The following DACH2 variants were observed in gnomAD, a reference collection of about 807,000 sequenced individuals.
DACH2 encodes dachshund family transcription factor 2.
A neutral mutation model predicts 35.8 loss-of-function variants in DACH2; 17 were observed. The ratio of observed to expected loss-of-function variants is 0.48; its 90% confidence interval spans 0.33 to 0.71. DACH2 has a LOEUF of 0.71. Ranked by LOEUF, DACH2 falls within the 30% of genes least tolerant of loss-of-function variation. DACH2 has a pLI of 0.02. For synonymous variants in DACH2, 195 were observed against 177.3 expected (o/e 1.10, Z -0.79); for missense variants, 469 against 472.7 (o/e 0.99, Z 0.07).
intron 7 of DACH2, among the ~76,000 whole-genome samples, chrX:86,753,938 T>TAAAA (rs202047286): frequency 1.1e-5 from 1 of 94,190 alleles, no homozygotes; most frequent in Non-Finnish European, 2.1e-5. Context: ...GAGCTCACAA[T>TAAAA]AAAAAAAAAA....
chrX:86,447,160 A>C (rs1307413030), intron 2 of DACH2, among the ~76,000 whole-genome samples: 1 of 98,767 alleles, frequency 1.0e-5, no homozygotes, highest in Non-Finnish European at 2.0e-5. Flanking sequence ...TTTTCTTGTA[A>C]ATTTGTTTGA....
At chrX:86,813,930 C>A (rs1280528041) in intron 9 of DACH2, among the ~76,000 whole-genome samples, 1 of 111,729 alleles carries the variant, frequency 9.0e-6, no homozygotes, top group Non-Finnish European at 1.9e-5. Flanking sequence ...GATTTATTTG[C>A]ACCAGCATCA....
intron 1 of DACH2, among the ~76,000 whole-genome samples, chrX:86,347,596 T>G (rs933089680): frequency 3.2e-4 from 36 of 112,962 alleles, no homozygotes; most frequent in African/African-American, 1.2e-3. Context: ...ATTTTCTCAT[T>G]ATTGATTTCA....
chrX:86,403,998 G>A (rs1276006193), intron 2 of DACH2, among the ~76,000 whole-genome samples: 2 of 108,447 alleles, frequency 1.8e-5, no homozygotes, highest in Admixed American at 9.8e-5. Context: ...TTTTTTTAAA[G>A]CACCAGATCT....
chrX:86,152,632 G>A (rs983956933), intron 1 of DACH2, among the ~76,000 whole-genome samples: 5 of 111,560 alleles, frequency 4.5e-5, no homozygotes, highest in Admixed American at 9.6e-5. Context: ...TGTTCTGTTC[G>A]ACAAGTCAAG....
At chrX:86,518,186 G>T (rs754375488) in intron 3 of DACH2, among the ~76,000 whole-genome samples, 1 of 112,004 alleles carries the variant, frequency 8.9e-6, no homozygotes, top group African/African-American at 3.2e-5. Flanking sequence ...TGTCTGCTTT[G>T]TTGAAGATCA....
intron 2 of DACH2, among the ~76,000 whole-genome samples, chrX:86,505,964 T>C (rs1172750427): frequency 1.8e-5 from 2 of 112,086 alleles, no homozygotes; most frequent in African/African-American, 6.5e-5. Context: ...AGAATAGTGA[T>C]GTGATTTGCC....
intron 1 of DACH2, among the ~76,000 whole-genome samples, chrX:86,189,768 T>C (rs975897038): frequency 2.7e-5 from 3 of 112,011 alleles, no homozygotes; most frequent in African/African-American, 9.7e-5. Context: ...TGAAACATCT[T>C]AAAAATGAAA....
At chrX:86,156,113 C>T (rs1887362772) in intron 1 of DACH2, among the ~76,000 whole-genome samples, 1 of 110,850 alleles carries the variant, frequency 9.0e-6, no homozygotes, top group Non-Finnish European at 1.9e-5. Context: ...AGAAGTAACA[C>T]AAATTGTTTT....
chrX:86,255,094 A>G (rs1348910506), intron 1 of DACH2, among the ~76,000 whole-genome samples: 7 of 109,633 alleles, frequency 6.4e-5, no homozygotes, highest in Non-Finnish European at 9.5e-5. Context: ...TATAAATCGA[A>G]GATTGTTCTT....
intron 3 of DACH2, among the ~76,000 whole-genome samples, chrX:86,537,935 G>A (rs1488274111): frequency 9.0e-6 from 1 of 110,896 alleles, no homozygotes; most frequent in Non-Finnish European, 1.9e-5. Flanking sequence ...CCCCTACTGA[G>A]CACCTTGTGA....
intron 3 of DACH2, among the ~76,000 whole-genome samples, chrX:86,639,842 A>G (rs1259785059): frequency 9.0e-6 from 1 of 111,250 alleles, no homozygotes; most frequent in East Asian, 2.9e-4. Flanking sequence ...CTACCAAAAC[A>G]TGGTCAGACT....
At chrX:86,634,983 T>A (rs2148391671) in intron 3 of DACH2, among the ~76,000 whole-genome samples, 1 of 110,865 alleles carries the variant, frequency 9.0e-6, no homozygotes, top group African/African-American at 3.3e-5. Context: ...CCCCAAAAAA[T>A]TGAGAAGGAG....
Position 86,784,859 on chromosome X carries a change from A to T in DACH2, c.1241-27997A>T, listed in dbSNP as rs368007240. On this transcript the variant is annotated intron_variant, in intron 7 of 11. Coordinates refer to ENST00000373125, the MANE Select transcript of DACH2 (RefSeq NM_053281.3). Reference sequence around the variant, plus strand: ...GATGGAGCTGGAGGCCATTATCCTAAGCAAACTAATGCAGGAACATAAAAC... The same window carrying T: ...GATGGAGCTGGAGGCCATTATCCTATGCAAACTAATGCAGGAACATAAAAC... Among the ~76,000 whole-genome samples the T allele has an allele frequency of 5.0e-3, 554 of 111,755 alleles. 1 individual carries two copies. The highest frequency in any genetic ancestry group is 0.017 in the African/African-American group (532 of 30,797).
chrX:86,322,320 T>G (rs2035029979), intron 1 of DACH2, among the ~76,000 whole-genome samples: 1 of 110,699 alleles, frequency 9.0e-6, no homozygotes, highest in African/African-American at 3.3e-5. Flanking sequence ...GAGTTCAAAA[T>G]GCACTCCAGA....
chrX:86,546,404 C>CTTCTTCCTTCTT (rs774988785), intron 3 of DACH2, among the ~76,000 whole-genome samples: 327 of 21,614 alleles, frequency 0.015, 10 homozygotes, highest in African/African-American at 0.038. Flanking sequence ...TCTTCTTCTT[C>CTTCTTCCTTCTT]CTTCTTCTTC....
intron 4 of DACH2, among the ~76,000 whole-genome samples, chrX:86,657,358 CATAA>C (rs968254117): frequency 2.1e-4 from 23 of 110,607 alleles, no homozygotes; most frequent in Non-Finnish European, 2.8e-4. Context: ...TCATGTAATA[CATAA>C]ATATACTTAC....
chrX:86,650,919 C>T, intron 3 of DACH2, 117 bp from the exon 4 acceptor site: 2 of 618,108 alleles, frequency 3.2e-6, no homozygotes, highest in Non-Finnish European at 2.4e-6. Flanking sequence ...TAGCTCAAGC[C>T]TCAGTATCAT....
chrX:86,691,238 T>C (rs1252805914), intron 4 of DACH2, among the ~76,000 whole-genome samples: 1 of 111,638 alleles, frequency 9.0e-6, no homozygotes, highest in Admixed American at 9.6e-5. Context: ...CTGAATCATG[T>C]ACCCCTAAAA....
Sources: gnomAD v4.1 joint callset for allele counts (sites outside exome capture counted in the v4.1 genomes callset) on GRCh38, gnomAD v4.1.1 for gene constraint, MANE v1.5 for transcripts, NCBI Gene and HGNC (gene_info 2026-07-23, HGNC 2026-07-21) for gene names.